Variants in TATDN1 observed in about 807,000 individuals in gnomAD.
TATDN1 encodes deoxyribonuclease TATDN1.
In TATDN1, 40 loss-of-function variants were observed where a neutral mutation model predicts 46.4. That is an observed-to-expected ratio of 0.86 (90% CI 0.67 to 1.12). TATDN1 has a LOEUF of 1.12. TATDN1 is among the 50% of genes most tolerant of loss of function. The probability of loss-of-function intolerance (pLI) is 0.00; values close to 1 mark genes in which losing one functional copy is unlikely to be tolerated. For synonymous variants in TATDN1, 95 were observed against 105.6 expected (o/e 0.90, Z 0.62); for missense variants, 326 against 348.4 (o/e 0.94, Z 0.51).
intron 9 of TATDN1, among the ~76,000 whole-genome samples, chr8:124,502,810 G>C (rs888262515): frequency 3.3e-5 from 5 of 152,150 alleles, no homozygotes; most frequent in Non-Finnish European, 7.4e-5. Context: ...TTGAAGCCCA[G>C]CCTGGGCACA....
chr8:124,521,630 T>C (rs1820056283), intron 3 of TATDN1: 1 of 152,424 alleles, frequency 6.6e-6, no homozygotes. Flanking sequence ...TTTCTTAGTG[T>C]ATGTGTGGGC....
At chr8:124,507,731 T>C (rs1432770248) in intron 8 of TATDN1, among the ~76,000 whole-genome samples, 2 of 151,818 alleles carry the variant, frequency 1.3e-5, no homozygotes, top group East Asian at 1.9e-4. Context: ...TGAGCTGAGA[T>C]TGTGCCACTG....
intron 6 of TATDN1, among the ~76,000 whole-genome samples, chr8:124,508,949 GC>G (rs1439420981): frequency 2.6e-5 from 4 of 152,234 alleles, no homozygotes; most frequent in Admixed American, 2.0e-4. Context: ...CTGGCCCCTT[GC>G]CACTGGGAGC....
At chr8:124,500,111 G>A (rs1817828745) in intron 9 of TATDN1, among the ~76,000 whole-genome samples, 1 of 152,030 alleles carries the variant, frequency 6.6e-6, no homozygotes. Context: ...CCAAAGTGCT[G>A]GGATTACAGG....
At chr8:124,490,009 C>T (rs1015634955) in intron 11 of TATDN1, 1 of 152,138 alleles carries the variant, frequency 6.6e-6, no homozygotes, top group African/African-American at 2.4e-5. Context: ...TTTTATCTGA[C>T]AGTCAAGATA....
chr8:124,534,883 C>T (rs1821295654), intron 1 of TATDN1, among the ~76,000 whole-genome samples: 3 of 152,208 alleles, frequency 2.0e-5, no homozygotes, highest in African/African-American at 7.2e-5. Flanking sequence ...TAGAGCAGCT[C>T]ACGGAACTCA....
At chr8:124,523,446 A>G (rs1169645741) in intron 1 of TATDN1, 2 of 160,106 alleles carry the variant, frequency 1.2e-5, no homozygotes, top group East Asian at 1.9e-4. Flanking sequence ...GATGGGAAAG[A>G]GCACAGTGCT....
intron 1 of TATDN1, among the ~76,000 whole-genome samples, chr8:124,529,775 T>C (rs1023338554): frequency 6.6e-6 from 1 of 152,192 alleles, no homozygotes; most frequent in African/African-American, 2.4e-5. Flanking sequence ...CACTTGTCTA[T>C]CCAGTAGTTC....
rs191452301 is a variant in TATDN1, at chr8:124,518,990, G to A, written c.139-109C>T. On this transcript the variant is annotated intron_variant, in intron 3 of 11. Transcript: ENST00000276692. ...TATTCCAGAATGCTCTTTCCTCTGT[G>A]ACTGCCACACACCTACCCTTTAAAA... 87 of 720,574 alleles carry A rather than the reference G, an allele frequency of 1.2e-4. No homozygotes were observed. The East Asian group carries it at 2.1e-3, about 18-fold the overall frequency. The allele number at this position is 720,574 out of a possible 1,614,324, so 44.6% of individuals were successfully genotyped here. A position where few individuals can be genotyped will look rare whatever the true frequency, so the allele number is the denominator to read the frequency against.
At chr8:124,517,617 C>CA (rs913415883) in intron 4 of TATDN1, among the ~76,000 whole-genome samples, 29 of 151,416 alleles carry the variant, frequency 1.9e-4, no homozygotes, top group Admixed American at 5.9e-4. Flanking sequence ...TAAGATAATG[C>CA]AAAAAAAAGT....
At chr8:124,528,555 C>G (rs887520779) in intron 1 of TATDN1, among the ~76,000 whole-genome samples, 9 of 152,108 alleles carry the variant, frequency 5.9e-5, no homozygotes, top group Admixed American at 5.9e-4. Flanking sequence ...AGGAGAAAAT[C>G]TACGGCAACT....
In TATDN1 at chr8:124,515,742, T is replaced by C; in HGVS notation, c.389+4A>G. 6.2e-7 allele frequency: 1 copy of C among 1,612,406 alleles called. No homozygotes were observed. Among genetic ancestry groups the C allele is most frequent in the East Asian group, 2.2e-5 (1 of 44,836 alleles). ...TAATTTGTAAAGCCAACAAATTTCC[T>C]TACTTGAGTTGAGTATCTTTGGGAC... is the stretch of plus-strand genomic sequence containing the variant. On this transcript the variant is annotated splice_donor_region_variant and intron_variant, in intron 6 of 11. Transcript: ENST00000276692.
rs565522321 is a variant in TATDN1 at position 124,493,177 on chromosome 8, G to A, written c.791+656C>T. Among the ~76,000 whole-genome samples the A allele has an allele frequency of 8.8e-4, 134 of 152,282 alleles. 1 individual carries two copies. The South Asian group carries it at 0.012, about 14-fold the overall frequency. On this transcript the variant is annotated intron_variant, in intron 11 of 11. Transcript: ENST00000276692. ...CTTTTTTACCCCTCATGAAGACACA[G>A]TACCAATTAGTTTTTGTGAATGTGT...
chr8:124,509,196 T>A (rs1341404874), intron 6 of TATDN1, among the ~76,000 whole-genome samples: 1 of 152,252 alleles, frequency 6.6e-6, no homozygotes, highest in Non-Finnish European at 1.5e-5. Context: ...TAGCCCTGAA[T>A]ATCTTAAAGA....
chr8:124,532,085 G>GGA (rs1821014765), intron 1 of TATDN1, among the ~76,000 whole-genome samples: 6 of 151,748 alleles, frequency 4.0e-5, no homozygotes, highest in African/African-American at 1.5e-4. Flanking sequence ...GAGCAAGGGG[G>GGA]GGAGGAGGAG....
chr8:124,493,310 C>G (rs1194840491), intron 11 of TATDN1, among the ~76,000 whole-genome samples: 1 of 152,152 alleles, frequency 6.6e-6, no homozygotes, highest in African/African-American at 2.4e-5. Context: ...ATTATGTACC[C>G]ATTAAAATGA....
At chr8:124,528,685 T>G (rs1007513103) in intron 1 of TATDN1, among the ~76,000 whole-genome samples, 1 of 152,158 alleles carries the variant, frequency 6.6e-6, no homozygotes, top group Non-Finnish European at 1.5e-5. Context: ...ATTAAAAAGA[T>G]AGAGAAATAA....
chr8:124,536,533 G>T (rs950816365), intron 1 of TATDN1, among the ~76,000 whole-genome samples: 5 of 152,150 alleles, frequency 3.3e-5, no homozygotes, highest in African/African-American at 1.2e-4. Context: ...GACAGAGCAA[G>T]ACCCTGTCTC....
At position 124,515,768 on chromosome 8, in the gene TATDN1, A is replaced by G. The variant is rs1819408763; in HGVS notation, c.367T>C (p.Cys123Arg). The change falls in exon 6 of 12, where the codon TGT (cysteine) becomes CGT (arginine). Residue 123 changes from cysteine to arginine, a missense_variant. By Grantham distance (180) the Cys-to-Arg change is radical (BLOSUM62 -3). Coordinates refer to ENST00000276692, the MANE Select transcript of TATDN1 (RefSeq NM_032026.4). ...CGLDFDRLQF[C>R]PKDTQLKYFE... ...TACTTGAGTTGAGTATCTTTGGGAC[A>G]AAACTGCAGTCGGTCAAAATCTTTA... is the stretch of plus-strand genomic sequence containing the variant. 6.2e-7 allele frequency: 1 copy of G among 1,613,774 alleles called. No individual in the cohort carries two copies. The highest frequency in any genetic ancestry group is 1.1e-5 in the South Asian group (1 of 91,038).
Sources: allele counts gnomAD v4.1 joint callset (sites outside exome capture counted in the v4.1 genomes callset), GRCh38; gene constraint gnomAD v4.1.1; transcripts MANE v1.5; gene names NCBI Gene and HGNC (gene_info 2026-07-23, HGNC 2026-07-21).